MIA2: variants seen among roughly 807,000 people sequenced by gnomAD.
MIA2 encodes MIA SH3 domain ER export factor 2, also known as melanoma inhibitory activity protein 2.
A neutral mutation model predicts 167.8 loss-of-function variants in MIA2; 127 were observed. That is an observed-to-expected ratio of 0.76 (90% CI 0.66 to 0.88). The LOEUF is 0.88. Among genes scored for constraint, MIA2 ranks in the 40% least tolerant of loss-of-function variants. The pLI, the probability that MIA2 is intolerant of heterozygous loss-of-function variation, is 0.00. For missense variants in MIA2, 1,690 were observed against 1,624.7 expected (o/e 1.04, Z -0.69); for synonymous variants, 552 against 541.9 (o/e 1.02, Z -0.26).
intron 10 of MIA2, 86 bp from the exon 11 acceptor site, chr14:39,293,185 A>G: frequency 1.1e-6 from 1 of 891,308 alleles, no homozygotes; most frequent in Admixed American, 2.5e-5. Context: ...TATTTAACTT[A>G]TAGTACATAT....
rs184283071 is a variant in MIA2, at chr14:39,257,675, G to C, written c.1887+4504G>C. On this transcript the variant is annotated intron_variant, in intron 6 of 28. Coordinates refer to ENST00000640607, the MANE Select transcript of MIA2 (RefSeq NM_001329214.4). ...TATTAGTTGATGCAGTTTCTTCATA[G>C]TGTCATTAGTCTTTATATTTTGGTG... Among the ~76,000 whole-genome samples, 19 of 152,302 alleles carry C rather than the reference G, an allele frequency of 1.2e-4. No homozygotes were observed. In the East Asian group the frequency reaches 2.9e-3, roughly 23 times the overall value.
chr14:39,371,898 A>G (rs1031877987), intron 23 of MIA2, among the ~76,000 whole-genome samples: 1 of 151,956 alleles, frequency 6.6e-6, no homozygotes, highest in African/African-American at 2.4e-5. Flanking sequence ...TAGGGGCAAC[A>G]TCTCTAAGCT....
intron 12 of MIA2, 40 bp downstream of exon 12, chr14:39,294,111 A>C (rs576432193): frequency 1.4e-6 from 2 of 1,402,694 alleles, no homozygotes; most frequent in Admixed American, 2.1e-5. Context: ...GCTTTTGGAA[A>C]TAATTTTAGT....
intron 6 of MIA2, chr14:39,267,635 GC>G: frequency 8.0e-7 from 1 of 1,255,086 alleles, no homozygotes; most frequent in Non-Finnish European, 1.1e-6. Flanking sequence ...AGGTCCCGAA[GC>G]CAGTCCTCGT....
At chr14:39,342,484 G>A (rs1352657655) in intron 25 of MIA2, among the ~76,000 whole-genome samples, 1 of 152,096 alleles carries the variant, frequency 6.6e-6, no homozygotes, top group African/African-American at 2.4e-5. Context: ...GTGTGCATGT[G>A]TCTTTATAGC....
intron 25 of MIA2, among the ~76,000 whole-genome samples, chr14:39,332,982 TA>T (rs1406795257): frequency 6.6e-6 from 1 of 151,968 alleles, no homozygotes; most frequent in African/African-American, 2.4e-5. Flanking sequence ...ATTTTAGATA[TA>T]TTTTTCAGGT....
intron 3 of MIA2, 59 bp downstream of exon 3, chr14:39,240,706 T>G (rs1301997247): frequency 7.8e-7 from 1 of 1,273,890 alleles, no homozygotes; most frequent in African/African-American, 1.5e-5. Context: ...TAAAACAGTT[T>G]TCCCAGGTAT....
intron 23 of MIA2, among the ~76,000 whole-genome samples, chr14:39,369,293 T>C (rs1567055244): frequency 6.6e-6 from 1 of 152,204 alleles, no homozygotes. Flanking sequence ...AGCCCTTGCT[T>C]GTTCCAGTTT....
chr14:39,307,390 ATTTTTTTTT>A (rs373046158), intron 17 of MIA2, among the ~76,000 whole-genome samples: 3 of 67,532 alleles, frequency 4.4e-5, no homozygotes, highest in Non-Finnish European at 8.6e-5. Context: ...AGTTAAAAGA[ATTTTTTTTT>A]TTTTTTTTTT....
intron 6 of MIA2, among the ~76,000 whole-genome samples, chr14:39,257,235 T>A (rs1174170297): frequency 6.6e-6 from 1 of 152,166 alleles, no homozygotes; most frequent in Non-Finnish European, 1.5e-5. Flanking sequence ...TCGTTGTAGG[T>A]CTCTAAGAAC....
intron 24 of MIA2, among the ~76,000 whole-genome samples, chr14:39,323,354 C>T (rs889542551): frequency 6.6e-6 from 1 of 151,936 alleles, no homozygotes; most frequent in African/African-American, 2.4e-5. Flanking sequence ...ATACTTAGAG[C>T]CTTAGGGAGG....
At position 39,247,699 on chromosome 14, in the gene MIA2, A is replaced by G. The variant is rs1417835205; in HGVS notation, c.1125A>G (p.Pro375=). 6.2e-7 allele frequency: 1 copy of G among 1,611,596 alleles called. No homozygotes were observed. The highest frequency in any genetic ancestry group is 8.5e-7 in the Non-Finnish European group (1 of 1,179,436). ...TITNDSLSLK[P]SWFDFGFAIL... ...CTAATGATAGCTTGAGTCTCAAGCC[A>G]AGTTGGTTTGATTTTGGTTTTGCTA... The change falls in exon 4 of 29, where the codon CCA becomes CCG. Residue 375 remains proline, a synonymous_variant. Transcript: ENST00000640607.
chr14:39,277,712 ATAT>A (rs2058283692), intron 7 of MIA2, among the ~76,000 whole-genome samples: 1 of 4,940 alleles, frequency 2.0e-4, no homozygotes, highest in African/African-American at 1.5e-3. Context: ...ATATATATAT[ATAT>A]GTGTGTATAT....
chr14:39,282,597 A>T (rs2059109142), intron 9 of MIA2, among the ~76,000 whole-genome samples: 1 of 152,080 alleles, frequency 6.6e-6, no homozygotes, highest in Admixed American at 6.6e-5. Flanking sequence ...TTATTGAGAC[A>T]GGGTCTCATT....
At chr14:39,294,130 T>C in intron 12 of MIA2, 59 bp downstream of exon 12, 2 of 1,243,898 alleles carry the variant, frequency 1.6e-6, no homozygotes, top group Non-Finnish European at 1.1e-6. Context: ...GTTTAATTTT[T>C]TAAAATTAAG....
intron 3 of MIA2, among the ~76,000 whole-genome samples, chr14:39,243,373 T>C (rs2054145562): frequency 6.6e-6 from 1 of 152,172 alleles, no homozygotes; most frequent in South Asian, 2.1e-4. Context: ...CTAGAGACAG[T>C]TACTATTCTA....
intron 28 of MIA2, 104 bp from the exon 29 acceptor site, chr14:39,349,994 C>T (rs2074191888): frequency 4.0e-6 from 2 of 501,026 alleles, no homozygotes; most frequent in Non-Finnish European, 7.3e-6. Flanking sequence ...TGTCAATTTT[C>T]AAATAAAAGA....
Position 39,295,032 on chromosome 14 carries a change from T to G in MIA2, c.2496+3T>G. 6 of 1,585,388 alleles carry G rather than the reference T, an allele frequency of 3.8e-6. No homozygotes were observed. The highest frequency in any genetic ancestry group is 5.2e-6 in the Non-Finnish European group (6 of 1,153,974). ...AACTTCAGGAAAGCCAGAAACAGGTTTGTGCTCCGTAGGGACTCTTCAACT... is the reference window on the plus strand; with the variant it reads ...AACTTCAGGAAAGCCAGAAACAGGTGTGTGCTCCGTAGGGACTCTTCAACT... On this transcript the variant is annotated splice_donor_region_variant and intron_variant, in intron 13 of 28. Transcript: ENST00000640607.
At chr14:39,342,364 G>A (rs1038541123) in intron 25 of MIA2, among the ~76,000 whole-genome samples, 4 of 152,112 alleles carry the variant, frequency 2.6e-5, no homozygotes, top group South Asian at 2.1e-4. Flanking sequence ...TGGCTGCATA[G>A]TATTCCATGG....
Sources: allele counts gnomAD v4.1 joint callset (sites outside exome capture counted in the v4.1 genomes callset), GRCh38; gene constraint gnomAD v4.1.1; transcripts MANE v1.5; gene names NCBI Gene and HGNC (gene_info 2026-07-23, HGNC 2026-07-21).